PPP1CC: variants seen among roughly 807,000 people sequenced by gnomAD.
PPP1CC encodes protein phosphatase 1 catalytic subunit gamma.
PPP1CC carries 16 observed loss-of-function variants against 38.4 expected under a neutral mutation model. That is an observed-to-expected ratio of 0.42 (90% CI 0.28 to 0.63). The LOEUF (loss-of-function observed/expected upper bound fraction) is 0.63. PPP1CC is among the 30% of genes least tolerant of loss of function. The pLI, the probability that PPP1CC is intolerant of heterozygous loss-of-function variation, is 0.25. For synonymous variants in PPP1CC, 158 were observed against 136.0 expected, an observed-to-expected ratio of 1.16 and a Z score of -1.13; for missense variants, 170 against 391.3, an observed-to-expected ratio of 0.43 and a Z score of 4.77.
intron 1 of PPP1CC, among the ~76,000 whole-genome samples, chr12:110,738,627 G>A (rs867493715): frequency 1.3e-5 from 2 of 152,094 alleles, no homozygotes; most frequent in South Asian, 2.1e-4. Context: ...ACCACTGCTG[G>A]GCTACAACTG....
At chr12:110,724,446 C>T (rs973126793) in intron 4 of PPP1CC, among the ~76,000 whole-genome samples, 3 of 152,118 alleles carry the variant, frequency 2.0e-5, no homozygotes, top group African/African-American at 7.2e-5. Flanking sequence ...TCAAACCTAG[C>T]TTACAGAGTC....
In PPP1CC at chr12:110,724,522, T is replaced by C. The variant is rs562829773; in HGVS notation, c.523+138A>G. 7 of 584,402 alleles carry C rather than the reference T, an allele frequency of 1.2e-5. No individual in the cohort carries two copies. In the East Asian group the frequency reaches 2.0e-4, roughly 17 times the overall value. 36.2% of individuals were successfully genotyped at this position (584,402 alleles called of 1,614,324 possible). ...CCAAATGATCCTGGCTGTATCAGAG[T>C]GAAAGTGCAATGCAACACATCAACA... On this transcript the variant is annotated intron_variant, in intron 4 of 6. Coordinates refer to ENST00000335007, the MANE Select transcript of PPP1CC (RefSeq NM_002710.4).
At chr12:110,708,529 T>C in the PPP1CC span, among the ~76,000 whole-genome samples, 57 of 152,246 alleles carry the variant, frequency 3.7e-4, no homozygotes, top group East Asian at 9.5e-3. Context: ...TGTGGCCTAA[T>C]TTCATGAGAC....
chr12:110,730,183 C>A (rs185847897), intron 3 of PPP1CC, among the ~76,000 whole-genome samples: 2 of 152,316 alleles, frequency 1.3e-5, no homozygotes, highest in African/African-American at 4.8e-5. Context: ...CAAGGTGAAA[C>A]CCCATCTCTT....
chr12:110,740,332 C>T (rs1285014525), intron 1 of PPP1CC, among the ~76,000 whole-genome samples: 1 of 152,044 alleles, frequency 6.6e-6, no homozygotes, highest in Non-Finnish European at 1.5e-5. Context: ...ATGACTATAA[C>T]CCCAGCACCT....
intron 1 of PPP1CC, among the ~76,000 whole-genome samples, chr12:110,737,119 A>G (rs563833943): frequency 1.2e-4 from 18 of 152,360 alleles, no homozygotes. Flanking sequence ...TACTTCCAAC[A>G]TTAAGCATTC....
intron 6 of PPP1CC, chr12:110,721,554 T>TA (rs1319846432): frequency 1.7e-5 from 3 of 172,216 alleles, no homozygotes; most frequent in Admixed American, 5.9e-5. Flanking sequence ...TGATAATTGG[T>TA]AAAAAACTAT....
At chr12:110,725,917 C>T (rs1443409637) in intron 3 of PPP1CC, 2 of 152,382 alleles carry the variant, frequency 1.3e-5, no homozygotes, top group Non-Finnish European at 2.9e-5. Flanking sequence ...TAAAAATTAG[C>T]TGGGCGTGGT....
downstream of PPP1CC, among the ~76,000 whole-genome samples, chr12:110,717,880 T>C (rs2069700071): frequency 6.6e-6 from 1 of 152,182 alleles, no homozygotes; most frequent in Non-Finnish European, 1.5e-5. Context: ...ACTGCCAAAA[T>C]AAACCTAAGA....
Position 110,724,527 on chromosome 12 carries a change from G to C in PPP1CC, c.523+133C>G, listed in dbSNP as rs138642758. The C allele has an allele frequency of 1.6e-3, 933 of 600,810 alleles. 3 individuals are homozygous for C. The African/African-American group carries it at 0.016, about 11-fold the overall frequency. 37.2% of individuals were successfully genotyped at this position (600,810 alleles called of 1,614,324 possible). On this transcript the variant is annotated intron_variant, in intron 4 of 6. Coordinates refer to ENST00000335007, the MANE Select transcript of PPP1CC (RefSeq NM_002710.4). ...TGATCCTGGCTGTATCAGAGTGAAA[G>C]TGCAATGCAACACATCAACAAAGGA...
chr12:110,722,439 C>CT lies in PPP1CC; in HGVS notation c.747+32dup, dbSNP rs768601065. ...GAGAATCTGTGCTCACACACATGCT[C>CT]TTAAGTGTACATGTAAAATTCAAAA... On this transcript the variant is annotated intron_variant, in intron 5 of 6. Transcript: ENST00000335007. The surrounding 1 kb of genome is among the most constrained non-coding windows in gnomAD (Gnocchi z 5.4). The CT allele has an allele frequency of 5.6e-6, 9 of 1,604,168 alleles. No homozygotes were observed. The African/African-American group carries it at 1.2e-4, about 21-fold the overall frequency.
At position 110,722,328 on chromosome 12, in the gene PPP1CC, G is replaced by A; in HGVS notation, c.748-59C>T. On this transcript the variant is annotated intron_variant, in intron 5 of 6. Transcript: ENST00000335007. The surrounding 1 kb of genome is among the most constrained non-coding windows in gnomAD (Gnocchi z 5.4). ...GCAAATATTAGGTGAGTAAAACCAT[G>A]TTTCAGTTTCCCATTGAGCCTGATA... The A allele has an allele frequency of 6.3e-7, 1 of 1,589,508 alleles. No individual in the cohort carries two copies. The highest frequency in any genetic ancestry group is 8.6e-7 in the Non-Finnish European group (1 of 1,162,328).
rs1458088778 is a variant in PPP1CC at position 110,720,485 on chromosome 12, G to A, written c.*591C>T. The stretch of plus-strand genomic sequence containing the variant: ...TTTAAGTATACGGTCGGGGAAAAGT[G>A]TGCTTTAATTAAATATACATCATAC... On this transcript the variant is annotated 3_prime_UTR_variant, in exon 7 of 7. Transcript: ENST00000335007. 8.2e-6 allele frequency: 3 copies of A among 364,244 alleles called. No homozygotes were observed. Among genetic ancestry groups the A allele is most frequent in the South Asian group, 4.2e-5 (1 of 23,670 alleles). 22.6% of individuals were successfully genotyped at this position (364,244 alleles called of 1,614,324 possible).
intron 1 of PPP1CC, chr12:110,732,885 T>C (rs1241513815): frequency 1.3e-5 from 2 of 152,212 alleles, no homozygotes; most frequent in East Asian, 1.9e-4. Flanking sequence ...AGTCATTAGA[T>C]ACAGATAAAG....
At chr12:110,728,229 C>A (rs937770190) in intron 3 of PPP1CC, among the ~76,000 whole-genome samples, 1 of 151,900 alleles carries the variant, frequency 6.6e-6, no homozygotes. Context: ...GAAACCCCGC[C>A]TCTACTAAAA....
intron 1 of PPP1CC, chr12:110,732,403 A>AAAAAG (rs1304510427): frequency 6.3e-6 from 1 of 158,310 alleles, no homozygotes; most frequent in Non-Finnish European, 1.4e-5. Context: ...CTCAAAAAAA[A>AAAAAG]AAAAGAAAAG....
the PPP1CC span, among the ~76,000 whole-genome samples, chr12:110,708,379 A>G: frequency 6.6e-6 from 1 of 152,216 alleles, no homozygotes; most frequent in Non-Finnish European, 1.5e-5. Context: ...TCATGGCTGA[A>G]AGATATATAT....
chr12:110,709,952 A>C, the PPP1CC span, among the ~76,000 whole-genome samples: 2 of 146,626 alleles, frequency 1.4e-5, no homozygotes, highest in Admixed American at 1.4e-4. Context: ...AATAATAATA[A>C]TAATAATAAT....
intron 3 of PPP1CC, 86 bp from the exon 4 acceptor site, chr12:110,724,850 C>A: frequency 1.4e-6 from 1 of 731,046 alleles, no homozygotes; most frequent in Non-Finnish European, 2.3e-6. Flanking sequence ...TCCCCCAAAG[C>A]AAGATTCTGG....
Sources: gnomAD v4.1 joint callset for allele counts (sites outside exome capture counted in the v4.1 genomes callset) on GRCh38, gnomAD v4.1.1 for gene constraint, Gnocchi (gnomAD v3.1) non-coding constraint, MANE v1.5 for transcripts, NCBI Gene and HGNC (gene_info 2026-07-23, HGNC 2026-07-21) for gene names.